RBFOX1: variants seen among roughly 807,000 people sequenced by gnomAD.
RBFOX1 encodes RNA binding fox-1 homolog 1.
RBFOX1 carries 8 observed loss-of-function variants against 57.7 expected under a neutral mutation model. That is an observed-to-expected ratio of 0.14 (90% CI 0.08 to 0.25). The LOEUF (loss-of-function observed/expected upper bound fraction) is 0.25. Ranked by LOEUF, RBFOX1 falls within the 10% of genes least tolerant of loss-of-function variation. The probability of loss-of-function intolerance (pLI) is 1.00; values close to 1 mark genes in which losing one functional copy is unlikely to be tolerated. For synonymous variants in RBFOX1, 326 were observed against 222.4 expected (o/e 1.47, Z -4.15); for missense variants, 611 against 548.5 (o/e 1.11, Z -1.14).
At chr16:6,595,760 G>A (rs944131020) in intron 2 of RBFOX1, among the ~76,000 whole-genome samples, 1 of 152,072 alleles carries the variant, frequency 6.6e-6, no homozygotes, top group Non-Finnish European at 1.5e-5. Flanking sequence ...TGATAGGTAT[G>A]AAGTACAGCT....
intron 2 of RBFOX1, among the ~76,000 whole-genome samples, chr16:5,522,799 T>A (rs977361373): frequency 6.6e-6 from 1 of 152,222 alleles, no homozygotes; most frequent in African/African-American, 2.4e-5. Flanking sequence ...CACGTTTGTC[T>A]TTCTGTGCCT....
intron 2 of RBFOX1, among the ~76,000 whole-genome samples, chr16:6,498,832 C>G (rs1333172394): frequency 1.3e-5 from 2 of 152,080 alleles, no homozygotes; most frequent in Non-Finnish European, 2.9e-5. Context: ...CTCCTGAAGC[C>G]AAGATATGCA....
At chr16:7,415,975 G>A (rs774081051) in intron 4 of RBFOX1, among the ~76,000 whole-genome samples, 1 of 152,146 alleles carries the variant, frequency 6.6e-6, no homozygotes, top group Non-Finnish European at 1.5e-5. Flanking sequence ...ACTTAGGACT[G>A]TCTTCTCTCT....
intron 3 of RBFOX1, among the ~76,000 whole-genome samples, chr16:6,953,539 C>T (rs976491921): frequency 3.3e-5 from 5 of 152,050 alleles, no homozygotes; most frequent in African/African-American, 7.2e-5. Context: ...GGGTGTGTCA[C>T]CACACCTGGC....
intron 2 of RBFOX1, among the ~76,000 whole-genome samples, chr16:6,396,999 A>G (rs1478923979): frequency 2.0e-5 from 3 of 152,220 alleles, no homozygotes; most frequent in Non-Finnish European, 4.4e-5. Context: ...AGATTAATGT[A>G]TATCATTCAA....
At chr16:6,595,057 G>C (rs1258827277) in intron 2 of RBFOX1, among the ~76,000 whole-genome samples, 1 of 152,152 alleles carries the variant, frequency 6.6e-6, no homozygotes, top group Non-Finnish European at 1.5e-5. Context: ...AAAGTGCTGG[G>C]ATTACAGGCA....
chr16:7,297,828 A>G (rs577364188), intron 4 of RBFOX1, among the ~76,000 whole-genome samples: 4 of 152,102 alleles, frequency 2.6e-5, no homozygotes, highest in Admixed American at 1.3e-4. Context: ...ATCCCCCCCA[A>G]TAGCCCCTCC....
intron 2 of RBFOX1, among the ~76,000 whole-genome samples, chr16:6,645,609 A>G (rs1013591631): frequency 6.6e-6 from 1 of 152,164 alleles, no homozygotes; most frequent in East Asian, 1.9e-4. Flanking sequence ...GAACGGACAC[A>G]TGAGTGCTTT....
chr16:5,816,491 T>C (rs1487183545), intron 3 of RBFOX1, among the ~76,000 whole-genome samples: 7 of 152,186 alleles, frequency 4.6e-5, no homozygotes, highest in Non-Finnish European at 1.5e-5. Flanking sequence ...TTGCATCTCC[T>C]ATCTGAAGCT....
intron 2 of RBFOX1, among the ~76,000 whole-genome samples, chr16:6,510,346 G>A (rs756500747): frequency 2.2e-4 from 34 of 152,076 alleles, no homozygotes; most frequent in Admixed American, 4.6e-4. Flanking sequence ...TTCGTGGAAG[G>A]TCACATGTGA....
intron 3 of RBFOX1, among the ~76,000 whole-genome samples, chr16:6,776,891 A>G (rs1003775364): frequency 2.6e-5 from 4 of 152,212 alleles, no homozygotes; most frequent in Admixed American, 2.6e-4. Flanking sequence ...CATTTTAATT[A>G]CAGCAAATAT....
At chr16:5,541,308 A>G (rs553946065) in intron 2 of RBFOX1, among the ~76,000 whole-genome samples, 2 of 152,230 alleles carry the variant, frequency 1.3e-5, no homozygotes, top group South Asian at 2.1e-4. Flanking sequence ...CAGTTAATTT[A>G]GAGAGTTTAT....
Position 6,783,517 on chromosome 16 carries a change from T to C in RBFOX1, c.-16+128867T>C, listed in dbSNP as rs999188933. 4.6e-5 allele frequency among the ~76,000 whole-genome samples: 7 copies of C among 151,958 alleles called. No homozygotes were observed. The East Asian group carries it at 5.8e-4, about 13-fold the overall frequency. ...AACTCTGGTCACAAAGAAAAAACAT[T>C]AAAAAGGAGAAAACTAAATTCTACG... On this transcript the variant is annotated intron_variant, in intron 3 of 15. Transcript: ENST00000550418.
At chr16:7,170,551 T>G (rs145261518) in intron 4 of RBFOX1, among the ~76,000 whole-genome samples, 18 of 152,324 alleles carry the variant, frequency 1.2e-4, no homozygotes, top group African/African-American at 4.1e-4. Flanking sequence ...CCACCACTTC[T>G]GGCTAATTTA....
At chr16:6,855,005 G>T (rs919845143) in intron 3 of RBFOX1, among the ~76,000 whole-genome samples, 4 of 151,956 alleles carry the variant, frequency 2.6e-5, no homozygotes, top group African/African-American at 4.8e-5. Context: ...AAAGGAGTCA[G>T]TGCCACCTAA....
intron 4 of RBFOX1, among the ~76,000 whole-genome samples, chr16:7,388,604 C>A (rs1413190291): frequency 6.7e-6 from 1 of 149,434 alleles, no homozygotes; most frequent in African/African-American, 2.5e-5. Context: ...TGAGATAATA[C>A]ACATCCAGGC....
chr16:6,293,778 G>C (rs931104197), intron 1 of RBFOX1, among the ~76,000 whole-genome samples: 4 of 113,794 alleles, frequency 3.5e-5, no homozygotes, highest in South Asian at 2.5e-4. Flanking sequence ...CCTAACCAGA[G>C]GGTCCAGGAA....
At chr16:7,351,581 G>T (rs577665430) in intron 4 of RBFOX1, among the ~76,000 whole-genome samples, 1 of 152,172 alleles carries the variant, frequency 6.6e-6, no homozygotes, top group Non-Finnish European at 1.5e-5. Context: ...ATGATGGTGC[G>T]GTGGATCATG....
intron 3 of RBFOX1, among the ~76,000 whole-genome samples, chr16:6,973,354 A>G (rs74010409): frequency 0.027 from 4,102 of 152,312 alleles, 173 homozygotes; most frequent in African/African-American, 0.093. Context: ...CACTTATTAC[A>G]ATGGTTGGCA....
Sources: gnomAD v4.1 joint callset for allele counts (sites outside exome capture counted in the v4.1 genomes callset) on GRCh38, gnomAD v4.1.1 for gene constraint, MANE v1.5 for transcripts, NCBI Gene and HGNC (gene_info 2026-07-23, HGNC 2026-07-21) for gene names.